The following SAFB variants were observed in gnomAD, a reference collection of about 807,000 sequenced individuals.
SAFB encodes scaffold attachment factor B, also known as scaffold attachment factor B1.
Under a neutral mutation model 101.6 loss-of-function variants are expected in SAFB, and 15 were observed. The ratio of observed to expected loss-of-function variants is 0.15; its 90% CI spans 0.10 to 0.23. The LOEUF is 0.23. Ranked by LOEUF, SAFB falls within the 10% of genes least tolerant of loss-of-function variation. The pLI is 1.00. For missense variants in SAFB, 930 were observed against 1,104.1 expected (o/e 0.84, Z 2.23); for synonymous variants, 449 against 407.5 (o/e 1.10, Z -1.23).
intron 2 of SAFB, among the ~76,000 whole-genome samples, chr19:5,639,028 G>A (rs941749705): frequency 1.3e-5 from 2 of 152,112 alleles, no homozygotes; most frequent in Non-Finnish European, 2.9e-5. Flanking sequence ...CGCCTGGCAA[G>A]TATTTTCTAT....
At chr19:5,642,882 G>C (rs1036438218) in intron 4 of SAFB, among the ~76,000 whole-genome samples, 15 of 151,936 alleles carry the variant, frequency 9.9e-5, no homozygotes, top group African/African-American at 3.6e-4. Context: ...GGCCAGGCTG[G>C]TTTTGAACTC....
intron 2 of SAFB, among the ~76,000 whole-genome samples, chr19:5,639,018 C>T (rs1348493494): frequency 6.6e-6 from 1 of 152,294 alleles, no homozygotes; most frequent in East Asian, 1.9e-4. Context: ...TGAGCCACCA[C>T]GCCTGGCAAG....
intron 13 of SAFB, among the ~76,000 whole-genome samples, chr19:5,655,320 C>T (rs4807806): frequency 2.0e-5 from 3 of 151,720 alleles, no homozygotes; most frequent in Non-Finnish European, 2.9e-5. Context: ...TAGGCAGGCT[C>T]GGTGGTATGC....
intron 2 of SAFB, among the ~76,000 whole-genome samples, chr19:5,631,815 G>A (rs760183703): frequency 1.3e-5 from 2 of 152,150 alleles, no homozygotes; most frequent in African/African-American, 2.4e-5. Context: ...GGACACCGAC[G>A]CGGAAGGATG....
rs776483598 is a variant in SAFB, at chr19:5,651,079, G to A, written c.1293+7G>A. On this transcript the variant is annotated splice_region_variant and intron_variant, in intron 9 of 20. Coordinates refer to ENST00000588852, the MANE Select transcript of SAFB (RefSeq NM_001201338.2). Reference sequence around the variant, plus strand: ...TTTCAGCAAATATGGGAAGGTAAGTGCCAGAGCTTTTCTGGAGAAGATACT... The same window carrying A: ...TTTCAGCAAATATGGGAAGGTAAGTACCAGAGCTTTTCTGGAGAAGATACT... 1.3e-6 allele frequency: 2 copies of A among 1,574,974 alleles called. No individual in the cohort carries two copies. Among genetic ancestry groups the A allele is most frequent in the Non-Finnish European group, 1.7e-6 (2 of 1,150,936 alleles).
At position 5,662,653 on chromosome 19, in the gene SAFB, T is replaced by G. The variant is rs796670642; in HGVS notation, c.2153+845T>G. Among the ~76,000 whole-genome samples the G allele has an allele frequency of 2.2e-4, 33 of 151,396 alleles. 2 individuals are homozygous for G. The highest frequency in any genetic ancestry group is 3.4e-3 in the Middle Eastern group (1 of 290). Reference sequence around the variant, plus strand: ...CTTTAAGGCCCTTTCCTTTTTTTTTTTTTTTGAGATAGAGTCTCGCTCTGT... The same window carrying G: ...CTTTAAGGCCCTTTCCTTTTTTTTTGTTTTTGAGATAGAGTCTCGCTCTGT... On this transcript the variant is annotated intron_variant, in intron 15 of 20. Coordinates refer to ENST00000588852, the MANE Select transcript of SAFB (RefSeq NM_001201338.2).
intron 2 of SAFB, among the ~76,000 whole-genome samples, chr19:5,632,442 C>T (rs971075435): frequency 1.5e-4 from 23 of 152,178 alleles, no homozygotes; most frequent in African/African-American, 5.3e-4. Flanking sequence ...TATTACCTAA[C>T]TGTAGATGTC....
rs188200939 is a variant in SAFB at position 5,657,713 on chromosome 19, C to T, written c.1862+366C>T. ...CTAATTTTTGTATTTTTAGTAGAGA[C>T]GGGGTTTCACCATGTTGGCTAGGCT... is the stretch of plus-strand genomic sequence containing the variant. On this transcript the variant is annotated intron_variant, in intron 14 of 20. Coordinates refer to ENST00000588852, the MANE Select transcript of SAFB (RefSeq NM_001201338.2). Among the ~76,000 whole-genome samples the T allele has an allele frequency of 6.6e-5, 10 of 151,264 alleles. No homozygotes were observed. In the East Asian group the frequency reaches 2.0e-3, roughly 30 times the overall value.
In SAFB at chr19:5,645,418, C is replaced by T; in HGVS notation, c.609+19C>T. 1 of 1,207,130 alleles carries T rather than the reference C, an allele frequency of 8.3e-7. No homozygotes were observed. Among genetic ancestry groups the T allele is most frequent in the Non-Finnish European group, 1.2e-6 (1 of 814,670 alleles). 74.8% of individuals were successfully genotyped at this position (1,207,130 alleles called of 1,614,324 possible). ...ATTACAGGTAAACTGTTGTATGTCT[C>T]AGTACTTTTAGAATGAAAGGTCAGA... On this transcript the variant is annotated intron_variant, in intron 5 of 20. Coordinates refer to ENST00000588852, the MANE Select transcript of SAFB (RefSeq NM_001201338.2).
intron 20 of SAFB, 129 bp downstream of exon 20, chr19:5,668,015 G>T: frequency 7.1e-7 from 1 of 1,416,420 alleles, no homozygotes. Context: ...CCAGGCATGG[G>T]GTACTGTGGA....
chr19:5,658,999 G>C (rs1345998084), intron 14 of SAFB, among the ~76,000 whole-genome samples: 1 of 152,112 alleles, frequency 6.6e-6, no homozygotes, highest in South Asian at 2.1e-4. Flanking sequence ...ACAAAAATTA[G>C]CCAGGTATGG....
intron 4 of SAFB, among the ~76,000 whole-genome samples, chr19:5,643,216 C>G (rs981469213): frequency 6.6e-6 from 1 of 152,130 alleles, no homozygotes; most frequent in Non-Finnish European, 1.5e-5. Flanking sequence ...AAAAGTGATG[C>G]ATATGAGAAG....
intron 2 of SAFB, among the ~76,000 whole-genome samples, chr19:5,627,045 A>G (rs891713578): frequency 1.3e-5 from 2 of 152,098 alleles, no homozygotes; most frequent in South Asian, 2.1e-4. Context: ...GCATGATGGC[A>G]TGCACCTGTG....
chr19:5,628,766 T>C (rs2053423719), intron 2 of SAFB, among the ~76,000 whole-genome samples: 1 of 152,190 alleles, frequency 6.6e-6, no homozygotes, highest in Non-Finnish European at 1.5e-5. Flanking sequence ...CATGATACAT[T>C]GCGTGTTTTT....
rs200153938 is a variant in SAFB at position 5,661,657 on chromosome 19, C to A, written c.2002C>A (p.Arg668=). The change falls in exon 15 of 21, where the codon CGG becomes AGG. Residue 668 remains arginine (R), a synonymous_variant. Transcript: ENST00000588852. ...GGAGCGGGAGCGCATGGAGCGGGAA[C>A]GGCTGGAGCGCGAACGCATGCACGT... ...RLERERMERE[R]LERERMHVEH... 13 of 1,611,790 alleles carry A rather than the reference C, an allele frequency of 8.1e-6. No homozygotes were observed. In the Admixed American group the frequency reaches 1.2e-4, roughly 14 times the overall value.
At chr19:5,643,238 T>C (rs532595658) in intron 4 of SAFB, among the ~76,000 whole-genome samples, 49 of 152,300 alleles carry the variant, frequency 3.2e-4, no homozygotes, top group African/African-American at 1.2e-3. Context: ...TGTGGGGCCC[T>C]TTCTGTGTTG....
intron 9 of SAFB, among the ~76,000 whole-genome samples, chr19:5,651,798 C>A (rs1381039459): frequency 3.9e-5 from 6 of 152,212 alleles, no homozygotes; most frequent in African/African-American, 1.2e-4. Flanking sequence ...CGGGGACTAC[C>A]AAAGGAAGGA....
At chr19:5,629,399 C>G (rs2053440036) in intron 2 of SAFB, among the ~76,000 whole-genome samples, 2 of 152,022 alleles carry the variant, frequency 1.3e-5, no homozygotes, top group South Asian at 4.1e-4. Context: ...CTTCTACACT[C>G]CAGCTTGGGC....
Position 5,623,242 on chromosome 19 carries a change from G to A in SAFB, c.37G>A (p.Ala13Thr), listed in dbSNP as rs763569597. The change falls in exon 1 of 21, where the codon GCG becomes ACG. Residue 13 changes from alanine (A) to threonine (T), a missense_variant. By Grantham distance (58) the Ala-to-Thr change is moderately conservative. Around this residue, in one of 7 missense-constraint regions of SAFB, gnomAD observed 44 missense variants for 35.8 expected, o/e 1.23. Transcript: ENST00000588852. ...ETLSGLGDSG[A>T]AGAAALSSAS... ...TCTGTCAGGCCTAGGTGATTCTGGA[G>A]CGGCGGGCGCGGCGGCTCTGAGCTC... 6 of 1,551,752 alleles carry A rather than the reference G, an allele frequency of 3.9e-6. No homozygotes were observed. The highest frequency in any genetic ancestry group is 5.2e-6 in the Non-Finnish European group (6 of 1,147,484).
Sources: gnomAD v4.1 joint callset for allele counts (sites outside exome capture counted in the v4.1 genomes callset) on GRCh38, gnomAD v4.1.1 for gene constraint, gnomAD v4.1.1 regional missense constraint, MANE v1.5 for transcripts, NCBI Gene and HGNC (gene_info 2026-07-23, HGNC 2026-07-21) for gene names.